The following SRCAP variants were observed in gnomAD, a reference collection of about 807,000 sequenced individuals.
SRCAP encodes chromatin remodeling protein SRCAP.
In SRCAP, 46 loss-of-function variants were observed where a neutral mutation model predicts 263.1. The ratio of observed to expected loss-of-function variants is 0.17; its 90% CI spans 0.14 to 0.22. SRCAP has a LOEUF of 0.22. Among genes scored for constraint, SRCAP ranks in the 10% least tolerant of loss-of-function variants. The pLI is 1.00. For synonymous variants in SRCAP, 1,813 were observed against 1,662.1 expected, an observed-to-expected ratio of 1.09 and a Z score of -2.21; for missense variants, 3,695 against 4,181.9, an observed-to-expected ratio of 0.88 and a Z score of 3.21.
Position 30,736,188 on chromosome 16 carries a change from A to T in SRCAP, c.6730-12A>T. 1 of 1,613,066 alleles carries T rather than the reference A, an allele frequency of 6.2e-7. No homozygotes were observed. The highest frequency in any genetic ancestry group is 2.2e-5 in the East Asian group (1 of 44,862). On this transcript the variant is annotated splice_polypyrimidine_tract_variant and intron_variant, in intron 31 of 33. Coordinates refer to ENST00000262518, the MANE Select transcript of SRCAP (RefSeq NM_006662.3). ...GTCTCATGTTTTCTTTTTCTTTTAT[A>T]CACCCTGGTAGGCATTGTGTCGGGC...
rs1460024620 is a variant in SRCAP at position 30,713,705 on chromosome 16, C to G, written c.2487C>G (p.Leu829=). The change falls in exon 16 of 34, where the codon CTC becomes CTG. Residue 829 remains leucine, a synonymous_variant. Coordinates refer to ENST00000262518, the MANE Select transcript of SRCAP (RefSeq NM_006662.3). The stretch of plus-strand genomic sequence containing the variant: ...ATAATGAAGGTCTAGTCAAACGCCT[C>G]CACAAGGTAGGGCCTGCAACAGTTT... ...QEYNEGLVKR[L]HKVLRPFLLR... 5 of 1,613,690 alleles carry G rather than the reference C, an allele frequency of 3.1e-6. No individual in the cohort carries two copies. Among genetic ancestry groups the G allele is most frequent in the Non-Finnish European group, 4.2e-6 (5 of 1,179,962 alleles).
chr16:30,720,171 A>G lies in SRCAP; in HGVS notation c.2827A>G (p.Met943Val), dbSNP rs370552190. The change falls in exon 19 of 34, where the codon ATG becomes GTG. Residue 943 changes from methionine (M) to valine (V), a missense_variant. Physicochemically the swap from Met to Val is conservative, Grantham distance 21. Coordinates refer to ENST00000262518, the MANE Select transcript of SRCAP (RefSeq NM_006662.3). ...TDVHPLQRID[M>V]GRFDLIGLEG... ...TTCTTTCTTGTGGCAGCGGATAGAC[A>G]TGGGTCGATTTGACCTTATTGGCCT... 4 of 1,609,036 alleles carry G rather than the reference A, an allele frequency of 2.5e-6. No homozygotes were observed. The highest frequency in any genetic ancestry group is 1.7e-5 in the Admixed American group (1 of 59,916).
Position 30,709,658 on chromosome 16 carries a change from C to G in SRCAP, c.779C>G (p.Ala260Gly), listed in dbSNP as rs757637917. ...SLNQPLTSSK[A>G]GSSPCLGSSS... ...AACCAGCCATTAACCTCCAGCAAAG[C>G]AGGCTCTTCCCCTTGCCTCGGCTCT... The change falls in exon 7 of 34, where the codon GCA (alanine) becomes GGA (glycine). Residue 260 changes from alanine (A) to glycine (G), a missense_variant. This residue lies in a region of SRCAP where 44 missense variants were observed against 42.9 expected (regional missense o/e 1.03). Coordinates refer to ENST00000262518, the MANE Select transcript of SRCAP (RefSeq NM_006662.3). 1.9e-6 allele frequency: 3 copies of G among 1,614,086 alleles called. No homozygotes were observed. Among genetic ancestry groups the G allele is most frequent in the East Asian group, 4.5e-5 (2 of 44,898 alleles).
rs371672233 is a variant in SRCAP at position 30,738,361 on chromosome 16, C to T, written c.8321C>T (p.Ala2774Val). The T allele has an allele frequency of 6.4e-7, 1 of 1,566,590 alleles. No individual in the cohort carries two copies. Among genetic ancestry groups the T allele is most frequent in the Admixed American group, 1.8e-5 (1 of 54,276 alleles). Residue 2774 changes from alanine to valine, a missense_variant, in exon 34 of 34, where the codon GCC becomes GTC. Transcript: ENST00000262518. Reference sequence around the variant, plus strand: ...CGGCGGCGGCAGCAGCGGGGAGCTGCCAGCACCCTAGTGCCTGGGGTCTCT... The same window carrying T: ...CGGCGGCGGCAGCAGCGGGGAGCTGTCAGCACCCTAGTGCCTGGGGTCTCT... ...VRRRRQQRGA[A>V]STLVPGVSET...
Position 30,734,561 on chromosome 16 carries a change from C to T in SRCAP, c.6675C>T (p.Ala2225=). The T allele has an allele frequency of 6.2e-7, 1 of 1,613,800 alleles. No homozygotes were observed. The highest frequency in any genetic ancestry group is 8.5e-7 in the Non-Finnish European group (1 of 1,179,994). The change falls in exon 31 of 34, where the codon GCC becomes GCT. Residue 2225 remains alanine (A), a synonymous_variant. Coordinates refer to ENST00000262518, the MANE Select transcript of SRCAP (RefSeq NM_006662.3). ...EEPSSSSVPS[A]PEEEEETVAS... is the part of the protein sequence containing the mutation. ...CTTCTAGCTCATCCGTGCCCTCTGC[C>T]CCTGAAGAGGAGGAAGAGACTGTGG...
At chr16:30,712,946 G>A (rs1381074060) in intron 14 of SRCAP, 131 bp downstream of exon 14, 3 of 1,238,170 alleles carry the variant, frequency 2.4e-6, no homozygotes, top group Non-Finnish European at 3.3e-6. Flanking sequence ...TAAAAATAAA[G>A]ATGGGGTCTC....
rs756406501 is a variant in SRCAP, at chr16:30,709,997, C to T, written c.1003C>T (p.Leu335=). 14 of 1,614,124 alleles carry T rather than the reference C, an allele frequency of 8.7e-6. No homozygotes were observed. The highest frequency in any genetic ancestry group is 5.3e-5 in the African/African-American group (4 of 74,938). ...RREGELPLEE[L]LRSLPPQLLE... The stretch of plus-strand genomic sequence containing the variant: ...TGAGGGAGAATTGCCACTGGAAGAG[C>T]TGCTCCGTTCCCTTCCCCCTCAGCT... The change falls in exon 8 of 34, where the codon CTG becomes TTG. Residue 335 remains leucine, a synonymous_variant. Transcript: ENST00000262518.
At chr16:30,725,902 G>C (rs996454846) in intron 25 of SRCAP, 7 of 152,036 alleles carry the variant, frequency 4.6e-5, no homozygotes, top group Non-Finnish European at 1.0e-4. Context: ...TGGGATTATA[G>C]GTGTGAGCCA....
At chr16:30,730,429 CTTCT>C (rs978806297) in intron 27 of SRCAP, among the ~76,000 whole-genome samples, 3 of 151,832 alleles carry the variant, frequency 2.0e-5, no homozygotes, top group Non-Finnish European at 4.4e-5. Flanking sequence ...CCTTTTCTTC[CTTCT>C]TTCTTTCTTT....
chr16:30,724,404 T>C lies in SRCAP; in HGVS notation c.4980T>C (p.Thr1660=). Residue 1660 remains threonine, a synonymous_variant, in exon 25 of 34, where the codon ACT becomes ACC. Coordinates refer to ENST00000262518, the MANE Select transcript of SRCAP (RefSeq NM_006662.3). ...APTPVLAPSS[T]QTMLPAPVPS... Reference sequence around the variant, plus strand: ...CCCCTGTGTTGGCTCCATCATCAACTCAAACTATGCTACCAGCCCCGGTTC... The same window carrying C: ...CCCCTGTGTTGGCTCCATCATCAACCCAAACTATGCTACCAGCCCCGGTTC... 1 of 1,614,022 alleles carries C rather than the reference T, an allele frequency of 6.2e-7. No individual in the cohort carries two copies. Among genetic ancestry groups the C allele is most frequent in the South Asian group, 1.1e-5 (1 of 91,086 alleles).
chr16:30,730,866 C>T (rs1248537165), intron 27 of SRCAP, among the ~76,000 whole-genome samples: 1 of 151,868 alleles, frequency 6.6e-6, no homozygotes, highest in Non-Finnish European at 1.5e-5. Flanking sequence ...GACAGGGTTT[C>T]ACCATGTTGG....
At chr16:30,736,435 C>A in intron 32 of SRCAP, 41 bp downstream of exon 32, 1 of 1,605,172 alleles carries the variant, frequency 6.2e-7, no homozygotes, top group Non-Finnish European at 8.5e-7. Context: ...TACTGCTTCC[C>A]CTGGGCTTGT....
At chr16:30,709,366 C>A in intron 6 of SRCAP, 147 bp from the exon 7 acceptor site, 1 of 760,216 alleles carries the variant, frequency 1.3e-6, no homozygotes, top group Non-Finnish European at 2.2e-6. Flanking sequence ...TTCCTTTAGA[C>A]CATAGTGAGC....
chr16:30,721,557 C>T (rs994038729), intron 21 of SRCAP, 81 bp downstream of exon 21: 1 of 1,522,440 alleles, frequency 6.6e-7, no homozygotes, highest in African/African-American at 1.4e-5. Context: ...TTTTAGGCAG[C>T]TGGGTCAGGC....
At chr16:30,720,414 GAGTTGGATGCA>G in intron 19 of SRCAP, 83 bp downstream of exon 19, 1 of 1,472,730 alleles carries the variant, frequency 6.8e-7, no homozygotes, top group East Asian at 2.3e-5. Flanking sequence ...GGGAAGAAAA[GAGTTGGATGCA>G]AGGCTGGAAT....
chr16:30,739,713 G>A lies in SRCAP; in HGVS notation c.9673G>A (p.Gly3225Ser). The A allele has an allele frequency of 6.7e-7, 1 of 1,493,700 alleles. No homozygotes were observed. Among genetic ancestry groups the A allele is most frequent in the Non-Finnish European group, 8.9e-7 (1 of 1,122,456 alleles). The allele number at this position is 1,493,700 out of a possible 1,614,324, so 92.5% of individuals were successfully genotyped here. ...SLAGPAVSHR[G>S]RKAKT is the part of the protein sequence containing the mutation. ...GGCTGGCCCTGCTGTTAGTCACAGA[G>A]GCCGCAAGGCCAAGACGTGAGTGGG... The change falls in exon 34 of 34, where the codon GGC becomes AGC. Residue 3225 changes from glycine to serine, a missense_variant. Around this residue, in one of 12 missense-constraint regions of SRCAP, gnomAD observed 1,207 missense variants for 1,142.9 expected, o/e 1.06. Transcript: ENST00000262518.
Position 30,739,996 on chromosome 16 carries a change from T to C in SRCAP, c.*263T>C. ...AGTCTCTGTCCCCACCCCCTTGTAC[T>C]TGATTCCCCAGCTGTCTTTCACACA... On this transcript the variant is annotated 3_prime_UTR_variant, in exon 34 of 34. Transcript: ENST00000262518. The C allele has an allele frequency of 2.7e-6, 1 of 373,126 alleles. No homozygotes were observed. The highest frequency in any genetic ancestry group is 4.6e-6 in the Non-Finnish European group (1 of 216,148). 23.1% of individuals were successfully genotyped at this position (373,126 alleles called of 1,614,324 possible).
rs2053186487 is a variant in SRCAP at position 30,738,632 on chromosome 16, C to T, written c.8592C>T (p.Pro2864=). 1 of 1,606,640 alleles carries T rather than the reference C, an allele frequency of 6.2e-7. No homozygotes were observed. The highest frequency in any genetic ancestry group is 8.5e-7 in the Non-Finnish European group (1 of 1,176,514). ...TGAAACGTCGGAGGGGGAGGCCCCC[C>T]AAGAAGAACAGGTCTCCAGCAGATG... ...PAVKRRRGRP[P]KKNRSPADAG... is the part of the protein sequence containing the mutation. The change falls in exon 34 of 34, where the codon CCC becomes CCT. Residue 2864 remains proline (P), a synonymous_variant. Transcript: ENST00000262518.
At chr16:30,712,999 A>C (rs1056996127) in intron 14 of SRCAP, among the ~76,000 whole-genome samples, 184 bp downstream of exon 14, 2 of 152,032 alleles carry the variant, frequency 1.3e-5, no homozygotes, top group African/African-American at 4.8e-5. Context: ...GGCTCAAGAG[A>C]TCCTCCCACC....
Sources: gnomAD v4.1 joint callset for allele counts (sites outside exome capture counted in the v4.1 genomes callset) on GRCh38, gnomAD v4.1.1 for gene constraint, gnomAD v4.1.1 regional missense constraint, MANE v1.5 for transcripts, NCBI Gene and HGNC (gene_info 2026-07-23, HGNC 2026-07-21) for gene names.